HYCC2: variants seen among roughly 807,000 people sequenced by gnomAD.
The protein encoded by HYCC2 is hyccin PI4KA lipid kinase complex subunit 2, also known as hyccin 2.
the HYCC2 span, among the ~76,000 whole-genome samples, chr2:201,027,693 A>G: frequency 6.6e-6 from 1 of 152,318 alleles, no homozygotes; most frequent in South Asian, 2.1e-4. Flanking sequence ...CCATCACATA[A>G]AGAGAACCAA....
At chr2:201,050,812 G>A in the HYCC2 span, among the ~76,000 whole-genome samples, 2 of 151,560 alleles carry the variant, frequency 1.3e-5, no homozygotes, top group Non-Finnish European at 2.9e-5. Context: ...GTGGGTGCCT[G>A]TAATCCCAGC....
At chr2:200,992,963 A>C in the HYCC2 span, 1 of 1,613,962 alleles carries the variant, frequency 6.2e-7, no homozygotes, top group South Asian at 1.1e-5. Flanking sequence ...AGTTCTTTCC[A>C]GTGTTTTTCA....
chr2:201,057,069 T>C, the HYCC2 span, among the ~76,000 whole-genome samples: 3 of 152,240 alleles, frequency 2.0e-5, no homozygotes, highest in East Asian at 1.9e-4. Flanking sequence ...CTGCAGATGA[T>C]TGCTCTTCTT....
chr2:201,067,322 CTGTT>C, the HYCC2 span: 5 of 152,450 alleles, frequency 3.3e-5, no homozygotes, highest in African/African-American at 9.7e-5. Context: ...GATTCTAACA[CTGTT>C]TGAAGTTTCA....
chr2:201,051,029 A>G, the HYCC2 span, among the ~76,000 whole-genome samples: 8 of 152,204 alleles, frequency 5.3e-5, no homozygotes, highest in Non-Finnish European at 1.2e-4. Context: ...AATTTCTCTT[A>G]TGAACACAGA....
the HYCC2 span, among the ~76,000 whole-genome samples, chr2:201,042,192 G>A: frequency 5.3e-5 from 8 of 152,230 alleles, no homozygotes; most frequent in African/African-American, 1.9e-4. Flanking sequence ...TCCTGACCGC[G>A]AGTGGTCTGC....
the HYCC2 span, among the ~76,000 whole-genome samples, chr2:201,041,269 C>T: frequency 2.6e-5 from 4 of 152,204 alleles, no homozygotes; most frequent in Admixed American, 2.0e-4. Flanking sequence ...AGTGGCAGAA[C>T]TCAGATTTGA....
At chr2:200,981,796 G>A in the HYCC2 span, 1 of 1,613,972 alleles carries the variant, frequency 6.2e-7, no homozygotes, top group Non-Finnish European at 8.5e-7. The surrounding 1 kb of genome is among the most constrained non-coding windows in gnomAD (Gnocchi z 4.5). Flanking sequence ...ACTGCTGAGG[G>A]AAGCCCCTGA....
chr2:200,988,155 T>G, the HYCC2 span: 12 of 869,694 alleles, frequency 1.4e-5, no homozygotes, highest in Non-Finnish European at 1.8e-5. Context: ...CAAAAAAAAT[T>G]ACTTTAATTA....
chr2:200,997,620 T>C, the HYCC2 span: 11 of 836,026 alleles, frequency 1.3e-5, no homozygotes, highest in African/African-American at 8.5e-5. Context: ...TGCCTTAATA[T>C]TGACCTTTAT....
At chr2:201,030,008 T>C in the HYCC2 span, among the ~76,000 whole-genome samples, 1 of 152,056 alleles carries the variant, frequency 6.6e-6, no homozygotes, top group Non-Finnish European at 1.5e-5. Context: ...GAACGCTTGA[T>C]CTCAAGACTT....
the HYCC2 span, among the ~76,000 whole-genome samples, chr2:201,058,716 G>T: frequency 6.6e-6 from 1 of 152,088 alleles, no homozygotes; most frequent in Non-Finnish European, 1.5e-5. Flanking sequence ...GAAAAAAAAA[G>T]AAATCACAGA....
the HYCC2 span, among the ~76,000 whole-genome samples, chr2:201,008,752 GC>G: frequency 6.6e-6 from 1 of 152,026 alleles, no homozygotes; most frequent in Non-Finnish European, 1.5e-5. Flanking sequence ...AAAAAAATTG[GC>G]CAGGCATGGT....
the HYCC2 span, among the ~76,000 whole-genome samples, chr2:201,062,737 G>A: frequency 6.6e-6 from 1 of 151,268 alleles, no homozygotes; most frequent in Non-Finnish European, 1.5e-5. Context: ...AGGATCATTT[G>A]AGTTCAGGAG....
chr2:200,986,576 G>C, the HYCC2 span, among the ~76,000 whole-genome samples: 15 of 152,172 alleles, frequency 9.9e-5, no homozygotes, highest in African/African-American at 3.4e-4. Context: ...TGGGGGTTCG[G>C]GGGGGAAGGG....
chr2:201,011,099 C>T, the HYCC2 span, among the ~76,000 whole-genome samples: 3 of 151,828 alleles, frequency 2.0e-5, no homozygotes, highest in Non-Finnish European at 4.4e-5. Flanking sequence ...GAGCCAAGAT[C>T]GCACCACTGC....
At chr2:201,033,196 T>TGAGAGA in the HYCC2 span, among the ~76,000 whole-genome samples, 706 of 106,160 alleles carry the variant, frequency 6.7e-3, 5 homozygotes, top group African/African-American at 8.9e-3. Flanking sequence ...TGTGTGTGTG[T>TGAGAGA]GAGAGAGAGA....
the HYCC2 span, chr2:201,009,217 G>A: frequency 1.8e-5 from 9 of 507,106 alleles, no homozygotes; most frequent in Admixed American, 6.3e-5. Flanking sequence ...CATTCTTCAC[G>A]GAAAAGGTTC....
the HYCC2 span, among the ~76,000 whole-genome samples, chr2:201,026,841 A>G: frequency 6.6e-6 from 1 of 152,238 alleles, no homozygotes; most frequent in African/African-American, 2.4e-5. Context: ...TTATAGCACT[A>G]AATGCCCACA....
Sources: gnomAD v4.1 joint callset for allele counts (sites outside exome capture counted in the v4.1 genomes callset) on GRCh38, gnomAD v4.1.1 for gene constraint, Gnocchi (gnomAD v3.1) non-coding constraint, MANE v1.5 for transcripts, NCBI Gene and HGNC (gene_info 2026-07-23, HGNC 2026-07-21) for gene names.